The following LSG1 variants were observed in gnomAD, a reference collection of about 807,000 sequenced individuals.
The protein encoded by LSG1 is large subunit GTPase 1 homolog.
A neutral mutation model predicts 82.6 loss-of-function variants in LSG1; 55 were observed. The ratio of observed to expected loss-of-function variants is 0.67; its 90% CI spans 0.54 to 0.83. LSG1 has a LOEUF of 0.83. Ranked by LOEUF, LSG1 falls within the 40% of genes least tolerant of loss-of-function variation. The pLI, the probability that LSG1 is intolerant of heterozygous loss-of-function variation, is 0.00. For missense variants in LSG1, 809 were observed against 807.9 expected, an observed-to-expected ratio of 1.00 and a Z score of -0.02; for synonymous variants, 272 against 282.5, an observed-to-expected ratio of 0.96 and a Z score of 0.37.
At chr3:194,664,340 G>T (rs1358230572) in intron 5 of LSG1, among the ~76,000 whole-genome samples, 1 of 152,086 alleles carries the variant, frequency 6.6e-6, no homozygotes, top group Admixed American at 6.5e-5. Flanking sequence ...GTTCTTACTA[G>T]GTTCACTTTA....
Position 194,672,169 on chromosome 3 carries a change from A to G in LSG1, c.-7T>C, listed in dbSNP as rs1005957851. 93 of 1,593,038 alleles carry G rather than the reference A, an allele frequency of 5.8e-5. No individual in the cohort carries two copies. The highest frequency in any genetic ancestry group is 7.5e-5 in the Non-Finnish European group (88 of 1,172,994). ...GGGCTCTCCTCCGGCCCATGGCAAC[A>G]CGACCGCTGGACGAAGCTTCCCGGC... On this transcript the variant is annotated 5_prime_UTR_variant, in exon 1 of 14. Transcript: ENST00000265245.
chr3:194,660,030 T>A (rs765884907), intron 6 of LSG1, 43 bp downstream of exon 6: 1 of 1,515,228 alleles, frequency 6.6e-7, no homozygotes, highest in East Asian at 2.3e-5. Context: ...CTGGCACTGC[T>A]ACTCAAAGGA....
Position 194,660,152 on chromosome 3 carries a change from A to T in LSG1, c.522-19T>A, listed in dbSNP as rs775527346. The T allele has an allele frequency of 5.6e-6, 9 of 1,606,520 alleles. No homozygotes were observed. The highest frequency in any genetic ancestry group is 7.7e-6 in the Non-Finnish European group (9 of 1,173,066). ...AATATCACTGAAAAACAAACACGAGATAGACCAATCACCGTGAAGTGAAAG... is the reference window on the plus strand; with the variant it reads ...AATATCACTGAAAAACAAACACGAGTTAGACCAATCACCGTGAAGTGAAAG... On this transcript the variant is annotated intron_variant, in intron 5 of 13. Transcript: ENST00000265245.
chr3:194,642,120 T>C lies in LSG1; in HGVS notation c.1925A>G (p.Asn642Ser). 1 of 1,613,734 alleles carries C rather than the reference T, an allele frequency of 6.2e-7. No homozygotes were observed. Among genetic ancestry groups the C allele is most frequent in the Non-Finnish European group, 8.5e-7 (1 of 1,180,028 alleles). The stretch of plus-strand genomic sequence containing the variant: ...ACGACTTTTTTCTTTTTTATTTCTG[T>C]TGCCATGTTTTTTCCAGGGCTTCCC... ...GAGKPWKKHG[N>S]RNKKEKSRRL... Residue 642 changes from asparagine to serine, a missense_variant, in exon 14 of 14, where the codon AAC becomes AGC. Asn to Ser is a conservative substitution (Grantham distance 46). Transcript: ENST00000265245.
At chr3:194,671,171 T>A (rs534211567) in intron 1 of LSG1, among the ~76,000 whole-genome samples, 1 of 152,294 alleles carries the variant, frequency 6.6e-6, no homozygotes, top group South Asian at 2.1e-4. Context: ...GGGCATAGAA[T>A]CAGCAAAAAT....
At chr3:194,648,937 T>C in intron 10 of LSG1, 133 bp from the exon 11 acceptor site, 1 of 866,568 alleles carries the variant, frequency 1.2e-6, no homozygotes, top group Non-Finnish European at 1.8e-6. Flanking sequence ...AAGAGGATAG[T>C]TTTTGATTAA....
intron 8 of LSG1, chr3:194,651,538 A>G: frequency 6.4e-6 from 2 of 311,598 alleles, no homozygotes; most frequent in Non-Finnish European, 1.2e-5. Context: ...AGTGGTTTCC[A>G]TCGCATCTTC....
At position 194,650,867 on chromosome 3, in the gene LSG1, A is replaced by G. The variant is rs976435695; in HGVS notation, c.1419+14T>C. 3 of 1,603,214 alleles carry G rather than the reference A, an allele frequency of 1.9e-6. No homozygotes were observed. Among genetic ancestry groups the G allele is most frequent in the Non-Finnish European group, 2.6e-6 (3 of 1,174,740 alleles). Reference sequence around the variant, plus strand: ...CACGTAATAACTAGAGTGTTTCCAAAGCAGAAAGGATATTAGTGATACAGG... The same window carrying G: ...CACGTAATAACTAGAGTGTTTCCAAGGCAGAAAGGATATTAGTGATACAGG... On this transcript the variant is annotated intron_variant, in intron 10 of 13. Transcript: ENST00000265245.
intron 10 of LSG1, among the ~76,000 whole-genome samples, chr3:194,649,521 CA>C (rs558856677): frequency 0.071 from 8,658 of 121,680 alleles, 259 homozygotes; most frequent in Admixed American, 0.12. Flanking sequence ...CCATCTCTAC[CA>C]AAAAAAAAAA....
At chr3:194,650,575 G>A (rs780860874) in intron 10 of LSG1, 4 of 258,028 alleles carry the variant, frequency 1.6e-5, no homozygotes, top group Admixed American at 1.0e-4. Flanking sequence ...GAAAAGGAAA[G>A]TATTTGGGAA....
chr3:194,642,316 A>G, intron 13 of LSG1, 69 bp from the exon 14 acceptor site: 2 of 1,325,660 alleles, frequency 1.5e-6, no homozygotes, highest in South Asian at 1.5e-5. Context: ...GCACAGTACT[A>G]TTAGTGGATC....
intron 7 of LSG1, among the ~76,000 whole-genome samples, chr3:194,657,834 T>C (rs1219512294): frequency 6.6e-6 from 1 of 152,154 alleles, no homozygotes; most frequent in Non-Finnish European, 1.5e-5. Flanking sequence ...ATGGAAGAAC[T>C]TTCTACATTT....
At chr3:194,667,276 A>G (rs111345017) in intron 2 of LSG1, among the ~76,000 whole-genome samples, 12,381 of 151,916 alleles carry the variant, frequency 0.081, 579 homozygotes, top group African/African-American at 0.12. Flanking sequence ...GTCTCGAACT[A>G]CTGACCTCAG....
At position 194,641,908 on chromosome 3, in the gene LSG1, C is replaced by T. The variant is rs889729148; in HGVS notation, c.*160G>A. The T allele has an allele frequency of 1.1e-5, 7 of 657,094 alleles. No individual in the cohort carries two copies. The highest frequency in any genetic ancestry group is 2.7e-5 in the Admixed American group (1 of 36,378). 40.7% of individuals were successfully genotyped at this position (657,094 alleles called of 1,614,324 possible). A position where few individuals can be genotyped will look rare whatever the true frequency, so the allele number is the denominator to read the frequency against. On this transcript the variant is annotated 3_prime_UTR_variant, in exon 14 of 14. Coordinates refer to ENST00000265245, the MANE Select transcript of LSG1 (RefSeq NM_018385.3). ...TGTCAGAGTTGGTGTTTCCAGGAGG[C>T]CCTTGGTCTTGACATGGAGACTGTT...
Position 194,646,518 on chromosome 3 carries a change from A to C in LSG1, c.1544-275T>G, listed in dbSNP as rs1411298838. On this transcript the variant is annotated intron_variant, in intron 11 of 13. Transcript: ENST00000265245. The stretch of plus-strand genomic sequence containing the variant: ...TCCAGTTATTTCTTCTCTTTATTTT[A>C]TTTTTATTTTATTTTTTGTTGAGAT... 1.1e-4 allele frequency: 29 copies of C among 261,910 alleles called. No individual in the cohort carries two copies. In the East Asian group the frequency reaches 2.3e-3, roughly 21 times the overall value. 16.2% of individuals were successfully genotyped at this position (261,910 alleles called of 1,614,324 possible).
chr3:194,659,696 A>G (rs1399589158), intron 6 of LSG1, among the ~76,000 whole-genome samples: 19 of 152,232 alleles, frequency 1.2e-4, no homozygotes, highest in African/African-American at 4.6e-4. Flanking sequence ...AGTCATAACT[A>G]AAGTGTGAGA....
At chr3:194,667,942 A>AAAAAATATATAT (rs1416407494) in intron 2 of LSG1, among the ~76,000 whole-genome samples, 1 of 86,966 alleles carries the variant, frequency 1.1e-5, no homozygotes, top group African/African-American at 4.8e-5. Flanking sequence ...AAAAAAAAAA[A>AAAAAATATATAT]ATATATATAT....
intron 13 of LSG1, among the ~76,000 whole-genome samples, chr3:194,644,338 C>T (rs1353292805): frequency 9.9e-5 from 14 of 141,298 alleles, no homozygotes; most frequent in Admixed American, 5.3e-4. Flanking sequence ...GTCCGCAGTC[C>T]GGCCTGGGCG....
At chr3:194,655,753 C>T (rs888994508) in intron 7 of LSG1, among the ~76,000 whole-genome samples, 5 of 152,144 alleles carry the variant, frequency 3.3e-5, no homozygotes, top group Non-Finnish European at 7.3e-5. Context: ...TCAAACTATA[C>T]TACAAGGCTA....
Sources: allele counts gnomAD v4.1 joint callset (sites outside exome capture counted in the v4.1 genomes callset), GRCh38; gene constraint gnomAD v4.1.1; transcripts MANE v1.5; gene names NCBI Gene and HGNC (gene_info 2026-07-23, HGNC 2026-07-21).